Variants in ARMH3 observed in about 807,000 individuals in gnomAD.
ARMH3 encodes armadillo-like helical domain-containing protein 3.
A neutral mutation model predicts 99.1 loss-of-function variants in ARMH3; 60 were observed. The ratio of observed to expected loss-of-function variants is 0.61; its 90% CI spans 0.49 to 0.75. The LOEUF is 0.75. Ranked by LOEUF, ARMH3 falls within the 30% of genes least tolerant of loss-of-function variation. The pLI is 0.00. For missense variants in ARMH3, 679 were observed against 843.1 expected, an observed-to-expected ratio of 0.81 and a Z score of 2.41; for synonymous variants, 285 against 292.8, an observed-to-expected ratio of 0.97 and a Z score of 0.27.
intron 8 of ARMH3, among the ~76,000 whole-genome samples, chr10:102,018,246 T>A (rs2066793576): frequency 6.6e-6 from 1 of 152,294 alleles, no homozygotes; most frequent in Non-Finnish European, 1.5e-5. Context: ...GAATCAAATA[T>A]ATGTGCCAAC....
chr10:101,876,745 T>C (rs746992338), intron 24 of ARMH3, among the ~76,000 whole-genome samples: 1 of 152,134 alleles, frequency 6.6e-6, no homozygotes, highest in Non-Finnish European at 1.5e-5. Flanking sequence ...AGGGAAGATG[T>C]TGCAGTGGAA....
intron 4 of ARMH3, among the ~76,000 whole-genome samples, chr10:102,032,408 C>A (rs187583193): frequency 8.0e-4 from 122 of 152,142 alleles, no homozygotes; most frequent in Non-Finnish European, 5.9e-4. Context: ...CTTTCAAAAT[C>A]TTTGGTTTTT....
chr10:101,856,836 C>T (rs2066748302), intron 24 of ARMH3, among the ~76,000 whole-genome samples: 1 of 152,152 alleles, frequency 6.6e-6, no homozygotes, highest in Non-Finnish European at 1.5e-5. Flanking sequence ...CAAGTCCAGA[C>T]ACTGCCCTTG....
rs1459781640 is a variant in ARMH3, at chr10:101,912,000, T to C, written c.1782-22510A>G. 4.6e-5 allele frequency among the ~76,000 whole-genome samples: 7 copies of C among 151,932 alleles called. No homozygotes were observed. The East Asian group carries it at 1.2e-3, about 25-fold the overall frequency. ...GTGAGCTGAGATCGTGTATCTGCACTCCAGCCTGGGCAGCAGAGCGAGACT... is the reference window on the plus strand; with the variant it reads ...GTGAGCTGAGATCGTGTATCTGCACCCCAGCCTGGGCAGCAGAGCGAGACT... On this transcript the variant is annotated intron_variant, in intron 23 of 25. Coordinates refer to ENST00000370033, the MANE Select transcript of ARMH3 (RefSeq NM_024541.3).
At chr10:101,855,965 A>C (rs1454284985) in intron 24 of ARMH3, among the ~76,000 whole-genome samples, 1 of 151,898 alleles carries the variant, frequency 6.6e-6, no homozygotes, top group Non-Finnish European at 1.5e-5. Context: ...TGCTCAACCC[A>C]GTGCAGGCTG....
At chr10:101,853,601 C>T (rs531331100) in intron 24 of ARMH3, among the ~76,000 whole-genome samples, 8 of 152,304 alleles carry the variant, frequency 5.3e-5, no homozygotes, top group South Asian at 4.2e-4. Context: ...CTTTCCAATC[C>T]GTCAGGTAAC....
intron 1 of ARMH3, among the ~76,000 whole-genome samples, chr10:102,051,119 T>A (rs1351638931): frequency 7.3e-6 from 1 of 136,954 alleles, no homozygotes; most frequent in Non-Finnish European, 1.5e-5. Context: ...GTGCCACTTG[T>A]ACTCCACCCT....
At chr10:101,931,854 T>C (rs1402842708) in intron 23 of ARMH3, among the ~76,000 whole-genome samples, 3 of 152,232 alleles carry the variant, frequency 2.0e-5, no homozygotes. Flanking sequence ...GATTTGGCAA[T>C]GATTTCTTGG....
chr10:101,950,783 C>G (rs116815655), intron 22 of ARMH3, among the ~76,000 whole-genome samples: 5 of 152,200 alleles, frequency 3.3e-5, no homozygotes, highest in Non-Finnish European at 5.9e-5. Context: ...TTAGTGATTG[C>G]CTAGAGCTCA....
chr10:101,962,087 T>TATAGAAACTTAACACTGTGTA (rs1304329344), intron 20 of ARMH3, among the ~76,000 whole-genome samples: 2 of 152,202 alleles, frequency 1.3e-5, no homozygotes, highest in East Asian at 3.8e-4. Context: ...GACCTTATGG[T>TATAGAAACTTAACACTGTGTA]ATAGAAACTT....
At chr10:101,913,974 G>A (rs1212192946) in intron 23 of ARMH3, among the ~76,000 whole-genome samples, 1 of 152,130 alleles carries the variant, frequency 6.6e-6, no homozygotes, top group Non-Finnish European at 1.5e-5. Context: ...AATTGCAATG[G>A]CATTCTACCC....
Position 101,990,600 on chromosome 10 carries a change from C to G in ARMH3, c.1357G>C (p.Glu453Gln). ...TTCATCATGTGTGTTACAATAAACTCTACCATCAGGTCTGAAAGGGGAATA... is the reference window on the plus strand; with the variant it reads ...TTCATCATGTGTGTTACAATAAACTGTACCATCAGGTCTGAAAGGGGAATA... ...LVCAVLDLMV[E>Q]FIVTHMMKEF... The change falls in exon 19 of 26, where the codon GAG becomes CAG. Residue 453 changes from glutamate to glutamine, a missense_variant. Transcript: ENST00000370033. 1 of 1,605,724 alleles carries G rather than the reference C, an allele frequency of 6.2e-7. No individual in the cohort carries two copies. The highest frequency in any genetic ancestry group is 8.5e-7 in the Non-Finnish European group (1 of 1,172,608).
At chr10:102,042,813 C>T (rs540289860) in intron 1 of ARMH3, among the ~76,000 whole-genome samples, 2 of 152,256 alleles carry the variant, frequency 1.3e-5, no homozygotes, top group Admixed American at 6.5e-5. Flanking sequence ...TGGCTCACGC[C>T]TGTAATCGCA....
At chr10:101,918,890 C>T (rs978636203) in intron 23 of ARMH3, among the ~76,000 whole-genome samples, 4 of 152,166 alleles carry the variant, frequency 2.6e-5, no homozygotes, top group African/African-American at 9.7e-5. Flanking sequence ...TCCAGCTTTT[C>T]AAATCAAGTT....
At chr10:101,877,785 G>T (rs1308223818) in intron 24 of ARMH3, among the ~76,000 whole-genome samples, 1 of 152,146 alleles carries the variant, frequency 6.6e-6, no homozygotes, top group Admixed American at 6.5e-5. Flanking sequence ...TTATATGACA[G>T]TCATTTCAAA....
intron 15 of ARMH3, among the ~76,000 whole-genome samples, chr10:102,000,735 A>G (rs1225993644): frequency 6.6e-6 from 1 of 151,584 alleles, no homozygotes; most frequent in Non-Finnish European, 1.5e-5. Context: ...ACACTACTGC[A>G]CTCCAGCCTG....
intron 24 of ARMH3, among the ~76,000 whole-genome samples, chr10:101,877,036 G>C (rs1459416102): frequency 1.3e-5 from 2 of 151,882 alleles, no homozygotes; most frequent in Non-Finnish European, 2.9e-5. Flanking sequence ...AAGGAGACCT[G>C]GTCTCCACAA....
At position 102,022,111 on chromosome 10, in the gene ARMH3, T is replaced by C. The variant is rs370473110; in HGVS notation, c.669+1366A>G. On this transcript the variant is annotated intron_variant, in intron 8 of 25. Coordinates refer to ENST00000370033, the MANE Select transcript of ARMH3 (RefSeq NM_024541.3). ...AATAGGCTATATCATGCAGCCTAGG[T>C]ATGTAGTAGGCTATACCATCTAAAT... 1.3e-5 allele frequency among the ~76,000 whole-genome samples: 2 copies of C among 152,130 alleles called. 1 individual carries two copies. The highest frequency in any genetic ancestry group is 2.9e-5 in the Non-Finnish European group (2 of 68,010).
intron 22 of ARMH3, among the ~76,000 whole-genome samples, chr10:101,940,608 C>T (rs1038777536): frequency 6.6e-6 from 1 of 152,102 alleles, no homozygotes; most frequent in African/African-American, 2.4e-5. Flanking sequence ...CCCATCCCTC[C>T]ACCCCACAAC....
Sources: allele counts gnomAD v4.1 joint callset (sites outside exome capture counted in the v4.1 genomes callset), GRCh38; gene constraint gnomAD v4.1.1; transcripts MANE v1.5; gene names NCBI Gene and HGNC (gene_info 2026-07-23, HGNC 2026-07-21).